Variants in IQGAP3 observed in about 807,000 individuals in gnomAD.
The protein encoded by IQGAP3 is IQ motif containing GTPase activating protein 3.
In IQGAP3, 165 loss-of-function variants were observed where a neutral mutation model predicts 208.2. The observed-to-expected ratio is 0.79, with a 90% CI of 0.70 to 0.90. The LOEUF is 0.90. Among genes scored for constraint, IQGAP3 ranks in the 40% least tolerant of loss-of-function variants. The pLI is 0.00. For missense variants in IQGAP3, 1,811 were observed against 2,043.1 expected (o/e 0.89, Z 2.19); for synonymous variants, 703 against 803.6 (o/e 0.87, Z 2.12).
In IQGAP3 at chr1:156,540,763, A is replaced by C. The variant is rs1447459365; in HGVS notation, c.2684T>G (p.Leu895Arg). ...IRSNQQLEQD[L>R]NIMDIKIGLL... Reference sequence around the variant, plus strand: ...GCCAATCTTGATGTCCATGATGTTGAGGTCCTGCTCCAGCTGCTGATTGGA... The same window carrying C: ...GCCAATCTTGATGTCCATGATGTTGCGGTCCTGCTCCAGCTGCTGATTGGA... Residue 895 changes from leucine (L) to arginine (R), a missense_variant, in exon 23 of 38, where the codon CTC (leucine) becomes CGC (arginine). Leu to Arg is a moderately radical substitution (Grantham distance 102). Transcript: ENST00000361170. 1 of 1,613,972 alleles carries C rather than the reference A, an allele frequency of 6.2e-7. No homozygotes were observed. Among genetic ancestry groups the C allele is most frequent in the Non-Finnish European group, 8.5e-7 (1 of 1,180,026 alleles).
intron 1 of IQGAP3, among the ~76,000 whole-genome samples, chr1:156,571,077 G>A (rs1382248986): frequency 6.6e-6 from 1 of 152,150 alleles, no homozygotes; most frequent in Non-Finnish European, 1.5e-5. Flanking sequence ...TAGGTCACCC[G>A]AGGAGGAAAA....
At chr1:156,528,131 A>C (rs959230722) in intron 36 of IQGAP3, 71 bp from the exon 37 acceptor site, 3 of 1,149,196 alleles carry the variant, frequency 2.6e-6, no homozygotes, top group African/African-American at 1.5e-5. Context: ...TCTTGCACCC[A>C]CTGCTCCTCA....
intron 4 of IQGAP3, 95 bp from the exon 5 acceptor site, chr1:156,564,786 C>T: frequency 1.2e-6 from 1 of 852,484 alleles, no homozygotes; most frequent in Non-Finnish European, 2.0e-6. Flanking sequence ...TCCTCTCCAA[C>T]CTGAGGTGTG....
At chr1:156,538,211 C>T (rs1674799878) in intron 26 of IQGAP3, among the ~76,000 whole-genome samples, 1 of 152,190 alleles carries the variant, frequency 6.6e-6, no homozygotes, top group East Asian at 1.9e-4. Context: ...CAGGTGCCTG[C>T]CACCACGCCC....
chr1:156,551,704 C>G lies in IQGAP3; in HGVS notation c.1734+1G>C. 2 of 1,608,530 alleles carry G rather than the reference C, an allele frequency of 1.2e-6. No individual in the cohort carries two copies. Among genetic ancestry groups the G allele is most frequent in the South Asian group, 1.1e-5 (1 of 90,204 alleles). On this transcript the variant is annotated splice_donor_variant, in intron 15 of 37. Transcript: ENST00000361170. LOFTEE classifies it high-confidence loss of function. ...ACCAACCCAACCAGCCCTAACTTCACCTGGGCCTTCTGCCTTTTGGCTGCC... is the reference window on the plus strand; with the variant it reads ...ACCAACCCAACCAGCCCTAACTTCAGCTGGGCCTTCTGCCTTTTGGCTGCC...
chr1:156,552,233 T>A (rs1675589805), intron 13 of IQGAP3, 138 bp from the exon 14 acceptor site: 9 of 1,093,978 alleles, frequency 8.2e-6, no homozygotes, highest in Non-Finnish European at 1.2e-5. Context: ...CCTCACAGGC[T>A]ATTCTTTCTG....
chr1:156,566,120 A>T lies in IQGAP3; in HGVS notation c.283-16T>A, dbSNP rs895283622. 6.2e-7 allele frequency: 1 copy of T among 1,609,738 alleles called. No homozygotes were observed. Among genetic ancestry groups the T allele is most frequent in the Non-Finnish European group, 8.5e-7 (1 of 1,176,048 alleles). The stretch of plus-strand genomic sequence containing the variant: ...AGCCAGTTGCCTGAAAGGGAAGGAA[A>T]AAGAAAATCTATTTCCACAGTTCTC... On this transcript the variant is annotated splice_polypyrimidine_tract_variant and intron_variant, in intron 3 of 37. Coordinates refer to ENST00000361170, the MANE Select transcript of IQGAP3 (RefSeq NM_178229.5).
At chr1:156,528,847 G>A in intron 35 of IQGAP3, 69 bp downstream of exon 35, 2 of 1,559,794 alleles carry the variant, frequency 1.3e-6, no homozygotes, top group Non-Finnish European at 1.8e-6. Context: ...GAGATAGCAG[G>A]GCAAAGGTGA....
chr1:156,565,686 C>T (rs76817157), intron 4 of IQGAP3, among the ~76,000 whole-genome samples: 4,107 of 152,230 alleles, frequency 0.027, 99 homozygotes, highest in Middle Eastern at 0.041. Context: ...AAGTCTGCCA[C>T]CTAGGGATGT....
At chr1:156,532,864 T>C in intron 32 of IQGAP3, 116 bp downstream of exon 32, 1 of 1,135,094 alleles carries the variant, frequency 8.8e-7, no homozygotes, top group Non-Finnish European at 1.3e-6. Flanking sequence ...GAGAACTTCC[T>C]GAAGGATAAG....
chr1:156,528,430 C>G, intron 36 of IQGAP3, 79 bp downstream of exon 36: 2 of 1,017,070 alleles, frequency 2.0e-6, no homozygotes, highest in Non-Finnish European at 3.0e-6. Flanking sequence ...TTCTCTTCCA[C>G]CCGGTGCCCA....
At chr1:156,533,447 C>T (rs1674521250) in intron 31 of IQGAP3, among the ~76,000 whole-genome samples, 1 of 152,222 alleles carries the variant, frequency 6.6e-6, no homozygotes, top group South Asian at 2.1e-4. Context: ...TGTCCTTCCT[C>T]CCAGTAAGTT....
intron 29 of IQGAP3, 52 bp downstream of exon 29, chr1:156,534,449 T>A (rs373458908): frequency 3.5e-4 from 476 of 1,345,674 alleles, no homozygotes; most frequent in Non-Finnish European, 4.6e-4. Context: ...AAGTGGGATG[T>A]CAAAGGTGAG....
At position 156,556,644 on chromosome 1, in the gene IQGAP3, C is replaced by G. The variant is rs775070264; in HGVS notation, c.1179G>C (p.Ala393=). The G allele has an allele frequency of 9.3e-6, 15 of 1,608,516 alleles. No individual in the cohort carries two copies. In the Admixed American group the frequency reaches 1.5e-4, roughly 16 times the overall value. The change falls in exon 12 of 38, where the codon GCG becomes GCC. Residue 393 remains alanine (A), a synonymous_variant. Transcript: ENST00000361170. ...RINKAIRRRV[A]ADTVKELMCP... ...ACATCAGCTCCTTCACAGTGTCAGC[C>G]GCCACTCTCCTCCGGATGGCTTTGT...
At position 156,551,875 on chromosome 1, in the gene IQGAP3, A is replaced by G. The variant is rs765387457; in HGVS notation, c.1571-7T>C. On this transcript the variant is annotated splice_polypyrimidine_tract_variant and splice_region_variant and intron_variant, in intron 14 of 37. Coordinates refer to ENST00000361170, the MANE Select transcript of IQGAP3 (RefSeq NM_178229.5). ...AGGCTGACTGCAAGGACCCCTAAGA[A>G]AGAGAGATCTAGGTGGGCAGGGGGC... 1.2e-6 allele frequency: 2 copies of G among 1,601,982 alleles called. No homozygotes were observed. The highest frequency in any genetic ancestry group is 1.7e-6 in the Non-Finnish European group (2 of 1,172,328).
At chr1:156,562,315 C>A (rs1676192325) in intron 9 of IQGAP3, among the ~76,000 whole-genome samples, 2 of 149,932 alleles carry the variant, frequency 1.3e-5, no homozygotes, top group Admixed American at 1.3e-4. Context: ...CTCGAAGGAC[C>A]CCAGTCCAAC....
At chr1:156,562,533 G>A (rs1184893914) in intron 9 of IQGAP3, 54 bp downstream of exon 9, 2 of 1,406,358 alleles carry the variant, frequency 1.4e-6, no homozygotes, top group Non-Finnish European at 2.0e-6. Context: ...ACCTCCCAGT[G>A]CAGGGGCTTA....
chr1:156,563,161 C>T lies in IQGAP3; in HGVS notation c.771G>A (p.Met257Ile). Reference sequence around the variant, plus strand: ...GGTTCCTGGCATTGGCTGCCTTCTCCATCTTGGCCTGGGCCAGCATCTCTT... The same window carrying T: ...GGTTCCTGGCATTGGCTGCCTTCTCTATCTTGGCCTGGGCCAGCATCTCTT... ...VYQEMLAQAKMEKAANARNHD... is the reference protein window; with the variant it reads ...VYQEMLAQAKIEKAANARNHD... Residue 257 changes from methionine (M) to isoleucine (I), a missense_variant, in exon 8 of 38, where the codon ATG becomes ATA. Transcript: ENST00000361170. The T allele has an allele frequency of 6.2e-7, 1 of 1,605,172 alleles. No individual in the cohort carries two copies. The highest frequency in any genetic ancestry group is 8.5e-7 in the Non-Finnish European group (1 of 1,173,546).
In IQGAP3 at chr1:156,533,886, G is replaced by A; in HGVS notation, c.3874-11C>T. 6.2e-7 allele frequency: 1 copy of A among 1,606,692 alleles called. No individual in the cohort carries two copies. The highest frequency in any genetic ancestry group is 8.5e-7 in the Non-Finnish European group (1 of 1,175,902). On this transcript the variant is annotated splice_polypyrimidine_tract_variant and intron_variant, in intron 30 of 37. Transcript: ENST00000361170. ...GTGCTCCAGCAACAGCTGCAGGACG[G>A]AGAAAGAAAAGGAGATGCAGGGTCT...
Sources: allele counts gnomAD v4.1 joint callset (sites outside exome capture counted in the v4.1 genomes callset), GRCh38; gene constraint gnomAD v4.1.1; transcripts MANE v1.5; gene names NCBI Gene and HGNC (gene_info 2026-07-23, HGNC 2026-07-21).